The following PROM2 variants were observed in gnomAD, a reference collection of about 807,000 sequenced individuals.
The protein encoded by PROM2 is prominin-2.
A neutral mutation model predicts 110.2 loss-of-function variants in PROM2; 90 were observed. That is an observed-to-expected ratio of 0.82 (90% CI 0.69 to 0.97). The LOEUF (loss-of-function observed/expected upper bound fraction) is 0.97. PROM2 is among the 50% of genes least tolerant of loss of function. The pLI is 0.00. For missense variants in PROM2, 1,009 were observed against 1,074.8 expected (o/e 0.94, Z 0.86); for synonymous variants, 470 against 467.8 (o/e 1.00, Z -0.06).
rs758232721 is a variant in PROM2, at chr2:95,274,791, G to A, written c.206G>A (p.Arg69His). Residue 69 changes from arginine (R) to histidine (H), a missense_variant, in exon 1 of 24, where the codon CGC becomes CAC. Physicochemically the swap from Arg to His is conservative, Grantham distance 29 (BLOSUM62 0). Transcript: ENST00000317620. ...LLDSLYGTVR[R>H]FLSVVQLNPF... ...GACTCCCTCTATGGCACCGTGCGCC[G>A]CTTCCTCTCGGTGGTGCAGCTCAAT... The A allele has an allele frequency of 7.0e-5, 112 of 1,605,094 alleles. No individual in the cohort carries two copies. Among genetic ancestry groups the A allele is most frequent in the South Asian group, 3.6e-4 (33 of 90,660 alleles).
chr2:95,290,742 C>A lies in PROM2; in HGVS notation c.*1529C>A, dbSNP rs1382298296. On this transcript the variant is annotated 3_prime_UTR_variant, in exon 24 of 24. Transcript: ENST00000317620. ...TCTGGGCCGGGGGTAGAGCTAGCATCCGGGCATGTACGAGGGAAGAGGGAG... is the reference window on the plus strand; with the variant it reads ...TCTGGGCCGGGGGTAGAGCTAGCATACGGGCATGTACGAGGGAAGAGGGAG... The A allele has an allele frequency of 6.6e-6, 1 of 152,204 alleles. No homozygotes were observed. The highest frequency in any genetic ancestry group is 1.5e-5 in the Non-Finnish European group (1 of 68,064). 9.4% of individuals were successfully genotyped at this position (152,204 alleles called of 1,614,324 possible). A position where few individuals can be genotyped will look rare whatever the true frequency, so the allele number is the denominator to read the frequency against.
chr2:95,281,334 G>A lies in PROM2; in HGVS notation c.1520G>A (p.Cys507Tyr). The A allele has an allele frequency of 1.9e-6, 3 of 1,613,172 alleles. No homozygotes were observed. The highest frequency in any genetic ancestry group is 3.3e-4 in the Middle Eastern group (2 of 6,058). The change falls in exon 12 of 24, where the codon TGC (cysteine) becomes TAC (tyrosine). Residue 507 changes from cysteine to tyrosine, a missense_variant. Cys to Tyr is a radical substitution (Grantham distance 194). Coordinates refer to ENST00000317620, the MANE Select transcript of PROM2 (RefSeq NM_001165978.3). ...LVGGNVQTLV[C>Y]QSWENGELFE... is the part of the protein sequence containing the mutation. ...GGTGGCAACGTGCAGACGCTGGTGT[G>A]CCAGAGCTGGGAGAACGGCGAGCTC... is the stretch of plus-strand genomic sequence containing the variant.
In PROM2 at chr2:95,285,094, C is replaced by T. The variant is rs76449795; in HGVS notation, c.1854C>T (p.His618=). 3.4e-4 allele frequency: 543 copies of T among 1,583,208 alleles called. 3 individuals carry two copies. In the African/African-American group the frequency reaches 6.6e-3, roughly 19 times the overall value. Residue 618 remains histidine, a synonymous_variant, in exon 15 of 24, where the codon CAC becomes CAT. Coordinates refer to ENST00000317620, the MANE Select transcript of PROM2 (RefSeq NM_001165978.3). ...ALQSSGLQRI[H]YPDFLVQIQR... is the part of the protein sequence containing the mutation. Reference sequence around the variant, plus strand: ...AGAGCAGTGGGCTTCAGCGCATCCACTACCCCGACTTCCTCGTTCAGGTCA... The same window carrying T: ...AGAGCAGTGGGCTTCAGCGCATCCATTACCCCGACTTCCTCGTTCAGGTCA...
In PROM2 at chr2:95,277,962, A is replaced by G; in HGVS notation, c.1008A>G (p.Leu336=). ...CTGTGGACCATGTCCTGCACCAGCT[A>G]AAAGGTGTCCCCGAGGCCAACTTCT... ...VPSVDHVLHQ[L]KGVPEANFSS... is the part of the protein sequence containing the mutation. The change falls in exon 8 of 24, where the codon CTA becomes CTG. Residue 336 remains leucine, a synonymous_variant. Transcript: ENST00000317620. 6.2e-7 allele frequency: 1 copy of G among 1,612,318 alleles called. No individual in the cohort carries two copies. The highest frequency in any genetic ancestry group is 1.3e-5 in the African/African-American group (1 of 74,876).
chr2:95,281,409 G>A (rs771232641), intron 12 of PROM2, 44 bp downstream of exon 12: 1 of 1,592,140 alleles, frequency 6.3e-7, no homozygotes, highest in South Asian at 1.1e-5. Context: ...GAGAGAGGTG[G>A]GGGGCGGTAT....
In PROM2 at chr2:95,276,057, A is replaced by G; in HGVS notation, c.422A>G (p.Lys141Arg). The change falls in exon 3 of 24, where the codon AAG becomes AGG. Residue 141 changes from lysine (K) to arginine (R), a missense_variant. Transcript: ENST00000317620. The surrounding 1 kb of genome is among the most constrained non-coding windows in gnomAD (Gnocchi z 4.6). ...RCHRRCGGRV[K>R]TEHKALACER... Reference sequence around the variant, plus strand: ...CACCGGCGCTGCGGGGGACGAGTGAAGACAGAGCACAAGGCGCTGGCCTGT... The same window carrying G: ...CACCGGCGCTGCGGGGGACGAGTGAGGACAGAGCACAAGGCGCTGGCCTGT... 6.2e-7 allele frequency: 1 copy of G among 1,611,476 alleles called. No homozygotes were observed. The highest frequency in any genetic ancestry group is 8.5e-7 in the Non-Finnish European group (1 of 1,179,922).
At chr2:95,288,886 G>C in intron 22 of PROM2, 47 bp from the exon 23 acceptor site, 1 of 1,576,622 alleles carries the variant, frequency 6.3e-7, no homozygotes, top group Non-Finnish European at 8.7e-7. Flanking sequence ...TCAGGGCTGA[G>C]GGTCTGGGGG....
chr2:95,289,008 TGA>T lies in PROM2; in HGVS notation c.*10+4_*10+5del, dbSNP rs1187477228. The T allele has an allele frequency of 6.2e-7, 1 of 1,611,364 alleles. No homozygotes were observed. Among genetic ancestry groups the T allele is most frequent in the Non-Finnish European group, 8.5e-7 (1 of 1,177,800 alleles). On this transcript the variant is annotated splice_donor_region_variant and intron_variant, in intron 23 of 23. Transcript: ENST00000317620. ...CCCTGAAGCTGTAGGGCCTTGTGGG[TGA>T]GTTTTCCCCAACTCGCTTAATTGCT...
At chr2:95,284,777 C>T (rs189370501) in intron 14 of PROM2, among the ~76,000 whole-genome samples, 192 bp from the exon 15 acceptor site, 1,789 of 152,320 alleles carry the variant, frequency 0.012, 13 homozygotes, top group Non-Finnish European at 0.017. Flanking sequence ...GTGAGGGATC[C>T]GCCCCCGTGA....
chr2:95,288,314 C>T lies in PROM2; in HGVS notation c.2334+14C>T. 1 of 1,613,410 alleles carries T rather than the reference C, an allele frequency of 6.2e-7. No individual in the cohort carries two copies. ...GCTGACCCCTGGGTGAGTGCCCCAG[C>T]TCATCGGGGCTTGTTCACCAAGTCC... On this transcript the variant is annotated intron_variant, in intron 21 of 23. Coordinates refer to ENST00000317620, the MANE Select transcript of PROM2 (RefSeq NM_001165978.3).
At chr2:95,287,023 T>A in intron 18 of PROM2, 110 bp from the exon 19 acceptor site, 2 of 1,292,328 alleles carry the variant, frequency 1.5e-6, no homozygotes, top group Non-Finnish European at 2.2e-6. Context: ...CACCCTTGGC[T>A]TGTCTGTTGG....
chr2:95,285,775 G>A, intron 16 of PROM2, 65 bp downstream of exon 16: 3 of 1,486,738 alleles, frequency 2.0e-6, no homozygotes, highest in Non-Finnish European at 2.8e-6. Context: ...GGCGGGAAAG[G>A]GTGGGAGGAT....
At position 95,279,989 on chromosome 2, in the gene PROM2, C is replaced by T. The variant is rs558698744; in HGVS notation, c.1419C>T (p.Phe473=). The change falls in exon 11 of 24, where the codon TTC becomes TTT. Residue 473 remains phenylalanine, a synonymous_variant. Transcript: ENST00000317620. ...CCAAGGGCGAGGCTGGAGCCCGCTT[C>T]CTCATGGCGTAAGAAAGGGCTGGGA... ...PEAKGEAGAR[F]LMAGVGLSFL... is the part of the protein sequence containing the mutation. The T allele has an allele frequency of 1.6e-4, 232 of 1,456,054 alleles. 3 individuals carry two copies. In the South Asian group the frequency reaches 2.2e-3, roughly 14 times the overall value. 90.2% of individuals were successfully genotyped at this position (1,456,054 alleles called of 1,614,324 possible).
chr2:95,281,924 G>T lies in PROM2; in HGVS notation c.1552-1G>T, dbSNP rs527743988. The T allele has an allele frequency of 1.2e-5, 19 of 1,613,832 alleles. No individual in the cohort carries two copies. The highest frequency in any genetic ancestry group is 1.6e-5 in the Non-Finnish European group (19 of 1,179,784). On this transcript the variant is annotated splice_acceptor_variant, in intron 12 of 23. Transcript: ENST00000317620. LOFTEE classifies it high-confidence loss of function. Reference sequence around the variant, plus strand: ...CCCATTTCTCACTGCCCCATCCCCAGTTTGCAGACACCCCAGGGAACCTGC... The same window carrying T: ...CCCATTTCTCACTGCCCCATCCCCATTTTGCAGACACCCCAGGGAACCTGC...
At position 95,275,530 on chromosome 2, in the gene PROM2, G is replaced by A; in HGVS notation, c.294+20G>A. On this transcript the variant is annotated intron_variant, in intron 2 of 23. Coordinates refer to ENST00000317620, the MANE Select transcript of PROM2 (RefSeq NM_001165978.3). The surrounding 1 kb of genome is among the most constrained non-coding windows in gnomAD (Gnocchi z 4.4). ...AATGAGGTGAGCAAGCTGGGGAAAG[G>A]TGCTGGGGGAGGGAGTTCTGGGGTG... 6.2e-7 allele frequency: 1 copy of A among 1,613,548 alleles called. No homozygotes were observed. Among genetic ancestry groups the A allele is most frequent in the East Asian group, 2.2e-5 (1 of 44,872 alleles).
In PROM2 at chr2:95,275,413, G is replaced by A. The variant is rs751311140; in HGVS notation, c.245-48G>A. 2 of 1,562,308 alleles carry A rather than the reference G, an allele frequency of 1.3e-6. No homozygotes were observed. Among genetic ancestry groups the A allele is most frequent in the East Asian group, 4.5e-5 (2 of 44,384 alleles). On this transcript the variant is annotated intron_variant, in intron 1 of 23. Transcript: ENST00000317620. This position sits in a 1 kb window ranked among gnomAD's most constrained non-coding sequence, Gnocchi z 4.4. ...CAGTGGGGAGAGGAGGGACACAGGG[G>A]CAGGGCAGTGGCTGTCCCCAAATCC...
In PROM2 at chr2:95,287,227, G is replaced by T; in HGVS notation, c.2175+14G>T. On this transcript the variant is annotated intron_variant, in intron 19 of 23. Coordinates refer to ENST00000317620, the MANE Select transcript of PROM2 (RefSeq NM_001165978.3). ...ATCCTGAGGAATGTGAGTGGTGGGTGGGACAGGGAAGGGGCTTCCACCCCA... is the reference window on the plus strand; with the variant it reads ...ATCCTGAGGAATGTGAGTGGTGGGTTGGACAGGGAAGGGGCTTCCACCCCA... The T allele has an allele frequency of 6.2e-7, 1 of 1,612,846 alleles. No homozygotes were observed. The highest frequency in any genetic ancestry group is 1.1e-5 in the South Asian group (1 of 91,032).
Position 95,278,565 on chromosome 2 carries a change from G to A in PROM2, c.1051-156G>A, listed in dbSNP as rs559913847. On this transcript the variant is annotated intron_variant, in intron 8 of 23. Transcript: ENST00000317620. The stretch of plus-strand genomic sequence containing the variant: ...CGTTTTGGGAAGTTGAGTCAGACTG[G>A]GCCAGGGGATGGGAGAGGAGGGCAG... 2.5e-5 allele frequency: 20 copies of A among 808,562 alleles called. No individual in the cohort carries two copies. The African/African-American group carries it at 3.4e-4, about 14-fold the overall frequency. The allele number at this position is 808,562 out of a possible 1,614,324, so 50.1% of individuals were successfully genotyped here.
intron 21 of PROM2, 69 bp downstream of exon 21, chr2:95,288,369 G>T (rs1677504043): frequency 6.3e-7 from 1 of 1,586,046 alleles, no homozygotes; most frequent in Admixed American, 1.7e-5. Context: ...AGGGAGGGCC[G>T]GGTGAGCAGG....
Sources: allele counts gnomAD v4.1 joint callset (sites outside exome capture counted in the v4.1 genomes callset), GRCh38; gene constraint gnomAD v4.1.1; non-coding constraint Gnocchi (gnomAD v3.1); transcripts MANE v1.5; gene names NCBI Gene and HGNC (gene_info 2026-07-23, HGNC 2026-07-21).